Variants in DMD observed in about 807,000 individuals in gnomAD.
DMD encodes the protein dystrophin, also known as mutant dystrophin.
In DMD, 63 loss-of-function variants were observed where a neutral mutation model predicts 330.1. That is an observed-to-expected ratio of 0.19 (90% CI 0.16 to 0.24). The LOEUF is 0.24. Among genes scored for constraint, DMD ranks in the 10% least tolerant of loss-of-function variants. The pLI is 1.00. For synonymous variants in DMD, 1,223 were observed against 959.8 expected (o/e 1.27, Z -5.07); for missense variants, 3,344 against 2,684.1 (o/e 1.25, Z -5.43).
intron 74 of DMD, among the ~76,000 whole-genome samples, chrX:31,153,931 G>C (rs1373337673): frequency 8.9e-6 from 1 of 112,121 alleles, no homozygotes; most frequent in Non-Finnish European, 1.9e-5. Flanking sequence ...TTTTTGATTT[G>C]AGTCTGAATT....
chrX:32,972,328 C>G (rs1249932823), intron 2 of DMD, among the ~76,000 whole-genome samples: 1 of 107,667 alleles, frequency 9.3e-6, no homozygotes, highest in East Asian at 3.0e-4. Flanking sequence ...CAGGCATGCA[C>G]CACGACGCTC....
At chrX:32,921,028 G>A (rs975177244) in intron 2 of DMD, among the ~76,000 whole-genome samples, 1 of 111,817 alleles carries the variant, frequency 8.9e-6, no homozygotes, top group African/African-American at 3.2e-5. Context: ...CAAATTCCCT[G>A]GGATGGAATA....
chrX:32,396,321 T>C (rs905231398), intron 30 of DMD, among the ~76,000 whole-genome samples: 7 of 111,539 alleles, frequency 6.3e-5, no homozygotes, highest in Middle Eastern at 4.7e-3. Context: ...CTAAAATTAT[T>C]AACATTGAAA....
In DMD at chrX:31,119,926, G is replaced by A. The variant is rs2032081866; in HGVS notation, c.*1993C>T. On this transcript the variant is annotated 3_prime_UTR_variant, in exon 79 of 79. Transcript: ENST00000357033. Reference sequence around the variant, plus strand: ...GAAAATAACGCAATGGACAAGTGGTGAAGCTGTGAACTCAGGTGTGCACAA... The same window carrying A: ...GAAAATAACGCAATGGACAAGTGGTAAAGCTGTGAACTCAGGTGTGCACAA... 8.9e-6 allele frequency: 1 copy of A among 111,842 alleles called. No individual in the cohort carries two copies. The highest frequency in any genetic ancestry group is 3.3e-5 in the African/African-American group (1 of 30,658). The allele number at this position is 111,842 out of a possible 1,213,427, so 9.2% of individuals were successfully genotyped here.
intron 1 of DMD, among the ~76,000 whole-genome samples, chrX:33,080,608 G>A (rs1244353677): frequency 9.0e-6 from 1 of 111,522 alleles, no homozygotes; most frequent in Non-Finnish European, 1.9e-5. Flanking sequence ...TAGGACATCA[G>A]ACAGAAGTGA....
chrX:33,009,939 TATACAC>T (rs1276761991), intron 2 of DMD, among the ~76,000 whole-genome samples: 24 of 56,715 alleles, frequency 4.2e-4, no homozygotes, highest in African/African-American at 1.4e-3. Context: ...CATGTGTGTA[TATACAC>T]GTGTGTATGT....
intron 76 of DMD, among the ~76,000 whole-genome samples, chrX:31,137,180 G>C (rs1234548906): frequency 9.1e-6 from 1 of 110,493 alleles, no homozygotes; most frequent in Non-Finnish European, 1.9e-5. Flanking sequence ...CACCACGCCT[G>C]GCTAATTTTT....
chrX:32,142,702 C>A (rs2096759428), intron 44 of DMD, among the ~76,000 whole-genome samples: 1 of 112,150 alleles, frequency 8.9e-6, no homozygotes, highest in Non-Finnish European at 1.9e-5. Context: ...GCAAAGCTTA[C>A]CTAAATTCTG....
intron 1 of DMD, among the ~76,000 whole-genome samples, chrX:33,317,857 T>C (rs1372801930): frequency 9.0e-6 from 1 of 111,688 alleles, no homozygotes; most frequent in East Asian, 2.8e-4. Context: ...AACACCTCAG[T>C]TACCTAATCC....
chrX:31,453,295 G>A (rs993743016), intron 59 of DMD, among the ~76,000 whole-genome samples: 14 of 111,069 alleles, frequency 1.3e-4, no homozygotes, highest in Non-Finnish European at 1.9e-5. Flanking sequence ...CCAAGTAGCT[G>A]GGATTACAGG....
intron 44 of DMD, among the ~76,000 whole-genome samples, chrX:32,096,617 C>T (rs905254686): frequency 3.6e-4 from 39 of 108,333 alleles, no homozygotes; most frequent in African/African-American, 1.2e-3. Context: ...CGGGCCTGAG[C>T]ATAACATAAA....
At chrX:33,275,973 T>C (rs1244361432) in intron 1 of DMD, among the ~76,000 whole-genome samples, 1 of 111,917 alleles carries the variant, frequency 8.9e-6, no homozygotes, top group Non-Finnish European at 1.9e-5. Context: ...TATACAATTG[T>C]ATGATTGTTT....
rs189285807 is a variant in DMD at position 31,824,765 on chromosome X, T to C, written c.7201-4682A>G. On this transcript the variant is annotated intron_variant, in intron 49 of 78. Coordinates refer to ENST00000357033, the MANE Select transcript of DMD (RefSeq NM_004006.3). ...CATAACCATTAATATAAATTAAATT[T>C]TATAAATATAAAATAAACTGTGCTA... Among the ~76,000 whole-genome samples, 4 of 111,269 alleles carry C rather than the reference T, an allele frequency of 3.6e-5. No homozygotes were observed. In the Admixed American group the frequency reaches 3.8e-4, roughly 11 times the overall value.
At chrX:32,683,458 C>G (rs762534641) in intron 9 of DMD, among the ~76,000 whole-genome samples, 13 of 109,261 alleles carry the variant, frequency 1.2e-4, no homozygotes, top group Non-Finnish European at 5.7e-5. Context: ...GAATACTATG[C>G]AGCCATAAAA....
chrX:33,215,933 T>C (rs1331300097), upstream of DMD, among the ~76,000 whole-genome samples: 2 of 112,211 alleles, frequency 1.8e-5, no homozygotes, highest in African/African-American at 3.2e-5. Flanking sequence ...AGGCTTATAG[T>C]ATAGCTTGAA....
intron 1 of DMD, among the ~76,000 whole-genome samples, chrX:33,230,534 T>A (rs1382744773): frequency 9.0e-6 from 1 of 111,615 alleles, no homozygotes; most frequent in East Asian, 2.8e-4. Context: ...AACAATATAA[T>A]TATTGGAAAG....
chrX:32,243,951 C>T (rs929790235), intron 43 of DMD, among the ~76,000 whole-genome samples: 2 of 33,962 alleles, frequency 5.9e-5, no homozygotes, highest in Non-Finnish European at 1.1e-4. Context: ...ACAAGAGGAA[C>T]GAACTTTTTT....
intron 2 of DMD, among the ~76,000 whole-genome samples, chrX:33,005,060 T>C (rs2093364419): frequency 9.0e-6 from 1 of 111,154 alleles, no homozygotes; most frequent in Admixed American, 9.7e-5. Flanking sequence ...TAAACAATTC[T>C]ATCTGTAAAT....
rs189764631 is a variant in DMD at position 32,369,651 on chromosome X, C to T, written c.4846-4452G>A. 2.2e-3 allele frequency among the ~76,000 whole-genome samples: 240 copies of T among 111,250 alleles called. 5 individuals carry two copies. In the Admixed American group the frequency reaches 0.022, roughly 10 times the overall value. On this transcript the variant is annotated intron_variant, in intron 34 of 78. Transcript: ENST00000357033. ...CCTCTATTCTCTCCTCCACCCATTT[C>T]GTATTTTCACAAGTTTTCCAGTACC...
Sources: allele counts gnomAD v4.1 joint callset (sites outside exome capture counted in the v4.1 genomes callset), GRCh38; gene constraint gnomAD v4.1.1; transcripts MANE v1.5; gene names NCBI Gene and HGNC (gene_info 2026-07-23, HGNC 2026-07-21).